The following PCNX2 variants were observed in gnomAD, a reference collection of about 807,000 sequenced individuals.
The protein encoded by PCNX2 is pecanex-like protein 2.
PCNX2 carries 168 observed loss-of-function variants against 223.8 expected under a neutral mutation model. The observed-to-expected ratio is 0.75, with a 90% CI of 0.66 to 0.85. The LOEUF (loss-of-function observed/expected upper bound fraction) is 0.85. PCNX2 is among the 40% of genes least tolerant of loss of function. The pLI, the probability that PCNX2 is intolerant of heterozygous loss-of-function variation, is 0.00. For synonymous variants in PCNX2, 1,006 were observed against 1,052.6 expected (o/e 0.96, Z 0.86); for missense variants, 2,507 against 2,675.5 (o/e 0.94, Z 1.39).
intron 21 of PCNX2, among the ~76,000 whole-genome samples, chr1:233,125,680 C>T (rs1303845453): frequency 2.0e-5 from 3 of 152,166 alleles, no homozygotes; most frequent in Non-Finnish European, 4.4e-5. Flanking sequence ...GACTTCTCCC[C>T]CACCCGAAGA....
chr1:233,004,340 G>A (rs916338477), intron 28 of PCNX2, among the ~76,000 whole-genome samples: 2 of 152,164 alleles, frequency 1.3e-5, no homozygotes, highest in Non-Finnish European at 2.9e-5. Flanking sequence ...ATGGAGAACA[G>A]GGGTATCACC....
chr1:233,309,782 G>T, the PCNX2 span, among the ~76,000 whole-genome samples: 1 of 151,834 alleles, frequency 6.6e-6, no homozygotes, highest in Non-Finnish European at 1.5e-5. Flanking sequence ...GGCGGCTGAG[G>T]TGTGAGAATT....
chr1:233,064,761 G>T (rs1672529825), intron 23 of PCNX2, among the ~76,000 whole-genome samples: 2 of 151,630 alleles, frequency 1.3e-5, no homozygotes, highest in African/African-American at 4.9e-5. Flanking sequence ...ATCATTTTTT[G>T]ATACTTTTAG....
At chr1:233,096,550 C>G (rs1674180797) in intron 21 of PCNX2, among the ~76,000 whole-genome samples, 1 of 152,094 alleles carries the variant, frequency 6.6e-6, no homozygotes. Context: ...ACTAATGAAT[C>G]CCAGATGCAA....
chr1:233,139,684 C>T lies in PCNX2; in HGVS notation c.3659+30G>A. 6.4e-7 allele frequency: 1 copy of T among 1,555,050 alleles called. No individual in the cohort carries two copies. The highest frequency in any genetic ancestry group is 8.7e-7 in the Non-Finnish European group (1 of 1,147,866). On this transcript the variant is annotated intron_variant, in intron 20 of 33. Coordinates refer to ENST00000258229, the MANE Select transcript of PCNX2 (RefSeq NM_014801.4). This position sits in a 1 kb window ranked among gnomAD's most constrained non-coding sequence, Gnocchi z 4.4. ...TCGATTTTGAAAATGTGACCCAAATCATTATGAAGATAAACCATTAACCAC... is the reference window on the plus strand; with the variant it reads ...TCGATTTTGAAAATGTGACCCAAATTATTATGAAGATAAACCATTAACCAC...
At chr1:233,272,535 A>T (rs1242269294) in intron 1 of PCNX2, among the ~76,000 whole-genome samples, 2 of 152,190 alleles carry the variant, frequency 1.3e-5, no homozygotes. Context: ...ACACTTCTAC[A>T]CTGCTGGTGG....
chr1:233,130,655 T>C (rs1272229835), intron 21 of PCNX2, among the ~76,000 whole-genome samples: 1 of 151,716 alleles, frequency 6.6e-6, no homozygotes, highest in Non-Finnish European at 1.5e-5. Context: ...CGGCTAATTT[T>C]TGTATTTTTA....
rs377525776 is a variant in PCNX2, at chr1:233,227,496, A to G, written c.2359-125T>C. ...TGTACACCATAATTTAAAAATACAA[A>G]AAGCAAATGTTCAAATTCTGATATG... On this transcript the variant is annotated intron_variant, in intron 9 of 33. Coordinates refer to ENST00000258229, the MANE Select transcript of PCNX2 (RefSeq NM_014801.4). 33 of 865,868 alleles carry G rather than the reference A, an allele frequency of 3.8e-5. No individual in the cohort carries two copies. The Admixed American group carries it at 4.4e-4, about 12-fold the overall frequency. The allele number at this position is 865,868 out of a possible 1,614,324, so 53.6% of individuals were successfully genotyped here.
At chr1:233,321,013 C>CCTTTT in the PCNX2 span, among the ~76,000 whole-genome samples, 3 of 70,364 alleles carry the variant, frequency 4.3e-5, no homozygotes, top group African/African-American at 1.8e-4. Context: ...AAAATGTCTT[C>CCTTTT]TTTTTTTTTT....
rs1187521068 is a variant in PCNX2, at chr1:233,002,655, T to A, written c.4953-974A>T. On this transcript the variant is annotated intron_variant, in intron 28 of 33. Transcript: ENST00000258229. ...TTCTTCACAGAATTAGAAAAAAATA[T>A]TTTAATTTCATATGGAACCAGAAAA... Among the ~76,000 whole-genome samples, 3 of 152,150 alleles carry A rather than the reference T, an allele frequency of 2.0e-5. 1 individual carries two copies. The highest frequency in any genetic ancestry group is 2.0e-4 in the Admixed American group (3 of 15,268).
At chr1:233,313,644 C>T in the PCNX2 span, among the ~76,000 whole-genome samples, 7 of 151,776 alleles carry the variant, frequency 4.6e-5, no homozygotes, top group African/African-American at 1.7e-4. Context: ...CTAGACAAAT[C>T]AGGAAAAATA....
intron 13 of PCNX2, among the ~76,000 whole-genome samples, chr1:233,202,896 G>A (rs1292875710): frequency 2.0e-5 from 3 of 152,138 alleles, no homozygotes; most frequent in African/African-American, 7.2e-5. Flanking sequence ...ACATTTCATC[G>A]TGCCTGAAGT....
At chr1:233,303,389 C>T in the PCNX2 span, among the ~76,000 whole-genome samples, 1 of 152,004 alleles carries the variant, frequency 6.6e-6, no homozygotes, top group East Asian at 1.9e-4. Flanking sequence ...GTGGTGTGTG[C>T]CTGTAGTCCC....
rs896498977 is a variant in PCNX2 at position 233,057,830 on chromosome 1, A to C, written c.4077-540T>G. On this transcript the variant is annotated intron_variant, in intron 23 of 33. Transcript: ENST00000258229. ...AGCCGAGATTGCACCACTGCACTCCAACCTGGGTGACAGAGCAAGACTCAA... is the reference window on the plus strand; with the variant it reads ...AGCCGAGATTGCACCACTGCACTCCCACCTGGGTGACAGAGCAAGACTCAA... 17 of 972,878 alleles carry C rather than the reference A, an allele frequency of 1.7e-5. No homozygotes were observed. In the Admixed American group the frequency reaches 1.1e-3, roughly 62 times the overall value. 60.3% of individuals were successfully genotyped at this position (972,878 alleles called of 1,614,324 possible).
At position 233,126,609 on chromosome 1, in the gene PCNX2, G is replaced by A. The variant is rs1354960778; in HGVS notation, c.3837+8404C>T. ...TAGTTATCCATAGGAAGAGGTTAGG[G>A]TTAAGCAGACAGAGATATGCATTAA... is the stretch of plus-strand genomic sequence containing the variant. On this transcript the variant is annotated intron_variant, in intron 21 of 33. Coordinates refer to ENST00000258229, the MANE Select transcript of PCNX2 (RefSeq NM_014801.4). This position sits in a 1 kb window ranked among gnomAD's most constrained non-coding sequence, Gnocchi z 4.8. 6.6e-6 allele frequency among the ~76,000 whole-genome samples: 1 copy of A among 151,908 alleles called. No homozygotes were observed. The highest frequency in any genetic ancestry group is 1.5e-5 in the Non-Finnish European group (1 of 67,978).
At chr1:233,320,657 T>C in the PCNX2 span, among the ~76,000 whole-genome samples, 4 of 152,200 alleles carry the variant, frequency 2.6e-5, no homozygotes, top group African/African-American at 7.2e-5. Flanking sequence ...TGTGAAACCA[T>C]TGTTAATGAA....
In PCNX2 at chr1:233,129,511, A is replaced by G. The variant is rs372337651; in HGVS notation, c.3837+5502T>C. ...CAAGGGCTGAAGAGTGTGGGTTCAC[A>G]GTGCGGGACTGGCAGGCAGCTCCAC... On this transcript the variant is annotated intron_variant, in intron 21 of 33. Transcript: ENST00000258229. 1.6e-4 allele frequency among the ~76,000 whole-genome samples: 25 copies of G among 152,344 alleles called. No homozygotes were observed. The South Asian group carries it at 5.2e-3, about 32-fold the overall frequency.
Position 233,139,105 on chromosome 1 carries a change from C to T in PCNX2, c.3659+609G>A, listed in dbSNP as rs1676960763. 6.6e-6 allele frequency among the ~76,000 whole-genome samples: 1 copy of T among 152,166 alleles called. No individual in the cohort carries two copies. The highest frequency in any genetic ancestry group is 2.1e-4 in the South Asian group (1 of 4,828). On this transcript the variant is annotated intron_variant, in intron 20 of 33. Transcript: ENST00000258229. The surrounding 1 kb of genome is among the most constrained non-coding windows in gnomAD (Gnocchi z 4.4). ...CAACTTTTGCCTTTCATCAGAATGA[C>T]AAATCTACAGATTATCAAGGAGATT... is the stretch of plus-strand genomic sequence containing the variant.
intron 32 of PCNX2, among the ~76,000 whole-genome samples, chr1:232,992,366 C>T (rs757777773): frequency 1.2e-4 from 18 of 152,166 alleles, no homozygotes; most frequent in Non-Finnish European, 5.9e-5. Flanking sequence ...GCTCGTGGGG[C>T]CAGAAGGAAG....
Sources: gnomAD v4.1 joint callset for allele counts (sites outside exome capture counted in the v4.1 genomes callset) on GRCh38, gnomAD v4.1.1 for gene constraint, Gnocchi (gnomAD v3.1) non-coding constraint, MANE v1.5 for transcripts, NCBI Gene and HGNC (gene_info 2026-07-23, HGNC 2026-07-21) for gene names.